The following FANCD2OS variants were observed in gnomAD, a reference collection of about 807,000 sequenced individuals.
The protein encoded by FANCD2OS is FANCD2 opposite strand protein.
Under a neutral mutation model 13.2 loss-of-function variants are expected in FANCD2OS, and 11 were observed. That is an observed-to-expected ratio of 0.83 (90% CI 0.52 to 1.38). FANCD2OS has a LOEUF of 1.38. FANCD2OS is among the 40% of genes most tolerant of loss of function. The pLI is 0.00. For missense variants in FANCD2OS, 217 were observed against 213.9 expected, an observed-to-expected ratio of 1.01 and a Z score of -0.09; for synonymous variants, 69 against 84.5, an observed-to-expected ratio of 0.82 and a Z score of 1.01.
chr3:10,098,650 C>A, downstream of FANCD2OS: 1 of 1,574,374 alleles, frequency 6.4e-7, no homozygotes. Flanking sequence ...CCTGTAAACT[C>A]AACCTTCTCC....
intron 2 of FANCD2OS, among the ~76,000 whole-genome samples, chr3:10,091,772 G>T (rs1463189449): frequency 6.6e-6 from 1 of 152,128 alleles, no homozygotes; most frequent in Non-Finnish European, 1.5e-5. Flanking sequence ...AACAGCTTAG[G>T]AGAAAACTTG....
chr3:10,083,887 C>CA (rs1301118343), intron 2 of FANCD2OS, among the ~76,000 whole-genome samples: 1,762 of 43,408 alleles, frequency 0.041, 111 homozygotes, highest in African/African-American at 0.12. Flanking sequence ...GACTCCGTCT[C>CA]AAAAAAAAAA....
Position 10,105,703 on chromosome 3 carries a change from A to G in FANCD2OS, c.-8-921T>C, listed in dbSNP as rs552996257. ...GAGGCGGAGGTTGCAGTGAGTCAAG[A>G]TCGCACCACTGCACTCCAGCCTGGG... On this transcript the variant is annotated intron_variant, in intron 1 of 1. Transcript: ENST00000450660. Among the ~76,000 whole-genome samples, 3 of 142,828 alleles carry G rather than the reference A, an allele frequency of 2.1e-5. No individual in the cohort carries two copies. The Admixed American group carries it at 2.2e-4, about 10-fold the overall frequency. The allele number at this position is 142,828 out of a possible 152,430, so 93.7% of individuals were successfully genotyped here.
intron 2 of FANCD2OS, chr3:10,095,133 AG>A: frequency 7.6e-7 from 1 of 1,318,592 alleles, no homozygotes; most frequent in Admixed American, 1.7e-5. Flanking sequence ...TTTGATTGCA[AG>A]GGTATCTTGA....
At chr3:10,090,403 CA>C in intron 2 of FANCD2OS, 2 of 1,409,020 alleles carry the variant, frequency 1.4e-6, no homozygotes, top group Non-Finnish European at 2.0e-6. Context: ...AGATAATAGT[CA>C]CTTCAAGAAG....
intron 1 of FANCD2OS, among the ~76,000 whole-genome samples, chr3:10,106,858 T>C (rs548007781): frequency 2.0e-5 from 3 of 152,220 alleles, no homozygotes; most frequent in Non-Finnish European, 4.4e-5. Context: ...TGAGCCGGGA[T>C]CAAGCCATTG....
At chr3:10,088,615 G>C in intron 2 of FANCD2OS, 1 of 1,194,894 alleles carries the variant, frequency 8.4e-7, no homozygotes, top group Admixed American at 1.7e-5. Flanking sequence ...GTCAGAGACT[G>C]GACAAATGAC....
intron 2 of FANCD2OS, chr3:10,088,823 T>G: frequency 6.2e-7 from 1 of 1,614,052 alleles, no homozygotes; most frequent in East Asian, 2.2e-5. Flanking sequence ...TGACTCTCAA[T>G]GCAGTATCTA....
At chr3:10,089,736 G>A (rs1353990521) in intron 2 of FANCD2OS, among the ~76,000 whole-genome samples, 1 of 152,198 alleles carries the variant, frequency 6.6e-6, no homozygotes, top group Non-Finnish European at 1.5e-5. Context: ...TCAAAGTGCT[G>A]GGATTACAGG....
downstream of FANCD2OS, among the ~76,000 whole-genome samples, chr3:10,103,262 C>T (rs959164943): frequency 6.6e-6 from 1 of 152,104 alleles, no homozygotes; most frequent in Non-Finnish European, 1.5e-5. Context: ...ATTAGCTGGG[C>T]GTGGTGGCAC....
intron 2 of FANCD2OS, chr3:10,092,119 G>A: frequency 1.8e-6 from 2 of 1,093,970 alleles, no homozygotes; most frequent in Middle Eastern, 2.0e-4. Flanking sequence ...ATCTTAGTGG[G>A]AATACAGTAA....
intron 2 of FANCD2OS, among the ~76,000 whole-genome samples, chr3:10,097,356 T>C (rs759718454): frequency 6.6e-6 from 1 of 152,186 alleles, no homozygotes; most frequent in African/African-American, 2.4e-5. Flanking sequence ...GACTGGAGTT[T>C]ATTTCACCTC....
chr3:10,105,196 A>C (rs1367701652), intron 1 of FANCD2OS, among the ~76,000 whole-genome samples: 1 of 152,212 alleles, frequency 6.6e-6, no homozygotes, highest in African/African-American at 2.4e-5. Flanking sequence ...AATGATTACA[A>C]GTATTGATCT....
chr3:10,094,390 A>G, intron 2 of FANCD2OS: 1 of 1,583,862 alleles, frequency 6.3e-7, no homozygotes. Context: ...GAGAACAAAG[A>G]TATGCACTGA....
At chr3:10,095,018 G>A (rs1694868698) in intron 2 of FANCD2OS, 1 of 633,646 alleles carries the variant, frequency 1.6e-6, no homozygotes, top group Admixed American at 2.3e-5. Context: ...ACAGAAATGG[G>A]AGAGTTGAGA....
chr3:10,103,168 T>C (rs374598926), downstream of FANCD2OS: 24 of 384,184 alleles, frequency 6.2e-5, no homozygotes, highest in South Asian at 3.9e-4. Context: ...TTTGGGAGGC[T>C]GAGGTGGGCA....
At chr3:10,093,421 A>G in intron 2 of FANCD2OS, 1 of 1,039,808 alleles carries the variant, frequency 9.6e-7, no homozygotes. Context: ...TCTTGCCCAC[A>G]AGCCAGAGTT....
At chr3:10,105,771 ATTATATATATATATATATATATATAT>A (rs1695471610) in intron 1 of FANCD2OS, among the ~76,000 whole-genome samples, 2 of 14,060 alleles carry the variant, frequency 1.4e-4, no homozygotes, top group African/African-American at 1.3e-3. Flanking sequence ...AAAAAAAAAA[ATTATATATATATATATATATATATAT>A]ATATATATAT....
chr3:10,100,586 G>T (rs1420990351), downstream of FANCD2OS, among the ~76,000 whole-genome samples: 1 of 152,146 alleles, frequency 6.6e-6, no homozygotes, highest in Non-Finnish European at 1.5e-5. Flanking sequence ...TGGCCGGGCT[G>T]GTCTCGAACT....
Sources: allele counts gnomAD v4.1 joint callset (sites outside exome capture counted in the v4.1 genomes callset), GRCh38; gene constraint gnomAD v4.1.1; transcripts MANE v1.5; gene names NCBI Gene and HGNC (gene_info 2026-07-23, HGNC 2026-07-21).